KLHL1: variants seen among roughly 807,000 people sequenced by gnomAD.
The protein encoded by KLHL1 is kelch like family member 1.
In KLHL1, 47 loss-of-function variants were observed where a neutral mutation model predicts 77.7. The observed-to-expected ratio is 0.60, with a 90% CI of 0.48 to 0.77. The LOEUF is 0.77. KLHL1 is among the 30% of genes least tolerant of loss of function. The probability of loss-of-function intolerance (pLI) is 0.00; values close to 1 mark genes in which losing one functional copy is unlikely to be tolerated. For synonymous variants in KLHL1, 360 were observed against 325.2 expected, an observed-to-expected ratio of 1.11 and a Z score of -1.15; for missense variants, 925 against 910.8, an observed-to-expected ratio of 1.02 and a Z score of -0.20.
chr13:69,729,260 C>A (rs3904254), intron 8 of KLHL1, among the ~76,000 whole-genome samples: 70,145 of 151,882 alleles, frequency 0.46, 17,127 homozygotes, highest in African/African-American at 0.62. Context: ...TTACTAGAAG[C>A]CTCACTAAAT....
intron 7 of KLHL1, among the ~76,000 whole-genome samples, chr13:69,766,027 C>T (rs573798576): frequency 2.6e-5 from 4 of 152,084 alleles, no homozygotes; most frequent in Admixed American, 2.0e-4. Flanking sequence ...TAGATGATAC[C>T]GAAATCTTCA....
intron 1 of KLHL1, among the ~76,000 whole-genome samples, chr13:70,042,333 C>A (rs1245740624): frequency 6.6e-6 from 1 of 151,850 alleles, no homozygotes. Context: ...TTAACTGAGG[C>A]TTTAGTAATA....
At chr13:70,080,601 T>G (rs1887369542) in intron 1 of KLHL1, among the ~76,000 whole-genome samples, 1 of 152,128 alleles carries the variant, frequency 6.6e-6, no homozygotes, top group Non-Finnish European at 1.5e-5. Context: ...TACTTTGTTT[T>G]ATTTTATCAT....
chr13:70,097,237 G>A (rs1280095552), intron 1 of KLHL1, among the ~76,000 whole-genome samples: 1 of 151,950 alleles, frequency 6.6e-6, no homozygotes, highest in Non-Finnish European at 1.5e-5. Context: ...TTACAAATGT[G>A]AGTCCTATAA....
intron 1 of KLHL1, among the ~76,000 whole-genome samples, chr13:70,058,518 G>T (rs1447850275): frequency 6.6e-6 from 1 of 152,094 alleles, no homozygotes; most frequent in African/African-American, 2.4e-5. Context: ...CTTAACCAAA[G>T]AAGTGGAAGA....
At chr13:69,719,329 C>A (rs939232115) in intron 9 of KLHL1, 40 bp downstream of exon 9, 4 of 1,563,310 alleles carry the variant, frequency 2.6e-6, no homozygotes, top group Non-Finnish European at 3.5e-6. Context: ...ATGTGATTTG[C>A]ACTGTCTCTT....
chr13:69,731,341 G>A (rs1873534830), intron 8 of KLHL1, among the ~76,000 whole-genome samples: 1 of 152,114 alleles, frequency 6.6e-6, no homozygotes, highest in Non-Finnish European at 1.5e-5. Context: ...CTGAAAGTTG[G>A]TAACAAAATA....
chr13:69,844,417 A>T (rs1460802490), intron 5 of KLHL1, among the ~76,000 whole-genome samples: 1 of 151,732 alleles, frequency 6.6e-6, no homozygotes, highest in African/African-American at 2.4e-5. Context: ...AATTACTTAT[A>T]ACCACTGTAA....
At chr13:70,035,890 TA>T (rs554342288) in intron 1 of KLHL1, among the ~76,000 whole-genome samples, 16 of 151,794 alleles carry the variant, frequency 1.1e-4, no homozygotes, top group African/African-American at 2.9e-4. Flanking sequence ...GATGTAGAAA[TA>T]AAAAAAAGTG....
At chr13:69,772,545 T>C (rs934126252) in intron 7 of KLHL1, among the ~76,000 whole-genome samples, 2 of 152,202 alleles carry the variant, frequency 1.3e-5, no homozygotes, top group Non-Finnish European at 2.9e-5. Flanking sequence ...CTAAATTGAA[T>C]TAAACTGTGC....
At chr13:69,765,654 G>T (rs999112196) in intron 7 of KLHL1, among the ~76,000 whole-genome samples, 1 of 152,148 alleles carries the variant, frequency 6.6e-6, no homozygotes, top group Admixed American at 6.5e-5. Context: ...TGGCTATATA[G>T]CCATACAGGA....
At position 69,992,299 on chromosome 13, in the gene KLHL1, A is replaced by G. The variant is rs141308102; in HGVS notation, c.498-16497T>C. The stretch of plus-strand genomic sequence containing the variant: ...AGGACTGAAAGACCTAAAGATAAAC[A>G]TATTACAATCTCTTTTGAACAACTC... On this transcript the variant is annotated intron_variant, in intron 1 of 10. Coordinates refer to ENST00000377844, the MANE Select transcript of KLHL1 (RefSeq NM_020866.3). Among the ~76,000 whole-genome samples the G allele has an allele frequency of 2.1e-3, 325 of 152,148 alleles. 1 individual carries two copies. The highest frequency in any genetic ancestry group is 7.3e-3 in the African/African-American group (302 of 41,548).
intron 1 of KLHL1, among the ~76,000 whole-genome samples, chr13:69,982,875 G>A (rs1884752066): frequency 6.6e-6 from 1 of 152,070 alleles, no homozygotes; most frequent in Non-Finnish European, 1.5e-5. Flanking sequence ...AGAGCATTAG[G>A]CAAGAGAAGA....
intron 6 of KLHL1, among the ~76,000 whole-genome samples, chr13:69,827,804 A>C (rs1251390494): frequency 2.6e-5 from 4 of 152,040 alleles, no homozygotes; most frequent in Non-Finnish European, 5.9e-5. Context: ...GCAAAAGAGC[A>C]GAAGAAATAA....
chr13:69,782,559 G>T (rs1463209481), intron 7 of KLHL1, among the ~76,000 whole-genome samples: 1 of 152,206 alleles, frequency 6.6e-6, no homozygotes, highest in East Asian at 1.9e-4. Flanking sequence ...GAGTCTCACT[G>T]ATTGCTAGCA....
At chr13:70,042,841 G>A (rs1018576603) in intron 1 of KLHL1, among the ~76,000 whole-genome samples, 25 of 152,124 alleles carry the variant, frequency 1.6e-4, no homozygotes, top group Admixed American at 4.6e-4. Context: ...CATTGCCCCT[G>A]AAGACTCTCC....
chr13:69,911,792 A>G (rs983939227), intron 4 of KLHL1, among the ~76,000 whole-genome samples: 1 of 152,072 alleles, frequency 6.6e-6, no homozygotes, highest in Non-Finnish European at 1.5e-5. Flanking sequence ...GTTCTTTTCT[A>G]TTGTAATCTC....
At chr13:69,899,146 T>C (rs1881764248) in intron 4 of KLHL1, among the ~76,000 whole-genome samples, 1 of 151,706 alleles carries the variant, frequency 6.6e-6, no homozygotes, top group Non-Finnish European at 1.5e-5. Flanking sequence ...AGGCACAAAA[T>C]TTATTGGATA....
intron 4 of KLHL1, among the ~76,000 whole-genome samples, chr13:69,929,356 G>A (rs773669497): frequency 6.6e-6 from 1 of 151,720 alleles, no homozygotes; most frequent in African/African-American, 2.4e-5. Flanking sequence ...TCAGTAATTG[G>A]GAAGATAATA....
Sources: allele counts gnomAD v4.1 joint callset (sites outside exome capture counted in the v4.1 genomes callset), GRCh38; gene constraint gnomAD v4.1.1; transcripts MANE v1.5; gene names NCBI Gene and HGNC (gene_info 2026-07-23, HGNC 2026-07-21).